Variants in EYS observed in about 807,000 individuals in gnomAD.
EYS encodes EGF-like photoreceptor maintenance factor.
In EYS, 250 loss-of-function variants were observed where a neutral mutation model predicts 282.1. The observed-to-expected ratio is 0.89, with a 90% CI of 0.80 to 0.98. The LOEUF is 0.98. Ranked by LOEUF, EYS falls within the 50% of genes least tolerant of loss-of-function variation. EYS has a pLI of 0.00. For missense variants in EYS, 4,016 were observed against 3,709.0 expected (o/e 1.08, Z -2.15); for synonymous variants, 1,355 against 1,282.9 (o/e 1.06, Z -1.20).
At chr6:64,205,992 G>T (rs1582425877) in intron 31 of EYS, among the ~76,000 whole-genome samples, 1 of 151,916 alleles carries the variant, frequency 6.6e-6, no homozygotes, top group South Asian at 2.1e-4. Context: ...CTTGTTATTT[G>T]TTCAGAAATT....
rs1767684223 is a variant in EYS, at chr6:64,902,074, C to T, written c.2846+39G>A. The T allele has an allele frequency of 2.9e-6, 4 of 1,371,554 alleles. No homozygotes were observed. The South Asian group carries it at 5.2e-5, about 18-fold the overall frequency. 85.0% of individuals were successfully genotyped at this position (1,371,554 alleles called of 1,614,324 possible). A position where few individuals can be genotyped will look rare whatever the true frequency, so the allele number is the denominator to read the frequency against. ...GTGCTCACTTTCTTGTTGAATTACA[C>T]ACATCAAATAATTAATTTAATAAAA... On this transcript the variant is annotated intron_variant, in intron 18 of 42. Transcript: ENST00000503581.
chr6:65,188,557 T>C (rs1219931878), intron 12 of EYS, among the ~76,000 whole-genome samples: 1 of 151,502 alleles, frequency 6.6e-6, no homozygotes, highest in African/African-American at 2.4e-5. Flanking sequence ...TCCTCAGAAC[T>C]TGTGAATGCG....
At chr6:64,257,246 C>T (rs1160164614) in intron 30 of EYS, among the ~76,000 whole-genome samples, 1 of 151,922 alleles carries the variant, frequency 6.6e-6, no homozygotes, top group Non-Finnish European at 1.5e-5. Flanking sequence ...TACAATAAAG[C>T]TTCGTAAATT....
chr6:65,481,929 A>G (rs1258490208), intron 5 of EYS, among the ~76,000 whole-genome samples: 2 of 152,122 alleles, frequency 1.3e-5, no homozygotes, highest in Non-Finnish European at 1.5e-5. Flanking sequence ...TTTGCCAATA[A>G]ATCTATGGAG....
chr6:63,795,107 A>C (rs939427378), intron 37 of EYS, among the ~76,000 whole-genome samples: 2 of 152,216 alleles, frequency 1.3e-5, no homozygotes, highest in Non-Finnish European at 2.9e-5. Context: ...GGCTAGAAAG[A>C]AAAGTCATAA....
intron 14 of EYS, among the ~76,000 whole-genome samples, chr6:64,994,120 C>T (rs775460717): frequency 7.2e-5 from 11 of 151,828 alleles, no homozygotes; most frequent in Admixed American, 5.3e-4. Context: ...CTCAAATATA[C>T]ATAACAAAGT....
intron 2 of EYS, among the ~76,000 whole-genome samples, chr6:65,547,724 G>C (rs1392910569): frequency 6.6e-6 from 1 of 152,010 alleles, no homozygotes; most frequent in Admixed American, 6.6e-5. Context: ...TGTATCTTTT[G>C]GAATTTTGTT....
intron 22 of EYS, among the ~76,000 whole-genome samples, chr6:64,739,212 T>A (rs1772286830): frequency 6.6e-6 from 1 of 152,180 alleles, no homozygotes; most frequent in African/African-American, 2.4e-5. Context: ...CTCAGTAAAT[T>A]TATGATAATC....
At chr6:64,120,357 T>TA (rs34632243) in intron 31 of EYS, among the ~76,000 whole-genome samples, 1,191 of 76,726 alleles carry the variant, frequency 0.016, 38 homozygotes, top group African/African-American at 0.042. Flanking sequence ...CTCCATCTCT[T>TA]AAAAAAAAAA....
At chr6:63,979,863 T>A (rs532892636) in intron 35 of EYS, among the ~76,000 whole-genome samples, 2 of 151,912 alleles carry the variant, frequency 1.3e-5, no homozygotes, top group African/African-American at 4.8e-5. Context: ...GATTGGACAC[T>A]GTCCAGAAAC....
intron 12 of EYS, among the ~76,000 whole-genome samples, chr6:65,109,291 T>TG (rs1038947763): frequency 5.0e-4 from 76 of 152,222 alleles, no homozygotes; most frequent in African/African-American, 1.7e-3. Context: ...CTTGGATTTT[T>TG]GCATGTTAGT....
intron 30 of EYS, among the ~76,000 whole-genome samples, chr6:64,247,219 T>G (rs2150346538): frequency 6.6e-6 from 1 of 152,258 alleles, no homozygotes; most frequent in South Asian, 2.1e-4. Flanking sequence ...ACCTGGAAAG[T>G]GAATCCAAAT....
intron 36 of EYS, among the ~76,000 whole-genome samples, chr6:63,818,662 T>A (rs1771243908): frequency 2.0e-5 from 3 of 152,200 alleles, no homozygotes; most frequent in Admixed American, 6.5e-5. Flanking sequence ...TTCCCTGGAC[T>A]CTCACATTCC....
At chr6:65,577,546 C>T (rs1404093991) in intron 2 of EYS, among the ~76,000 whole-genome samples, 1 of 151,720 alleles carries the variant, frequency 6.6e-6, no homozygotes, top group African/African-American at 2.4e-5. Context: ...ACCCCAAAGA[C>T]ACAGACAACA....
intron 23 of EYS, among the ~76,000 whole-genome samples, chr6:64,624,279 A>G (rs1767533545): frequency 6.6e-6 from 1 of 152,190 alleles, no homozygotes; most frequent in Non-Finnish European, 1.5e-5. Flanking sequence ...AAACTAATCT[A>G]GCACCTGTAA....
intron 12 of EYS, among the ~76,000 whole-genome samples, chr6:65,247,901 TTAAA>T (rs761860031): frequency 1.3e-5 from 2 of 152,044 alleles, no homozygotes; most frequent in Non-Finnish European, 2.9e-5. Context: ...GGCTTTACAA[TTAAA>T]TAGTTTGTGA....
In EYS at chr6:64,492,508, G is replaced by C. The variant is rs868302351; in HGVS notation, c.5645-53156C>G. ...TGTTGTTGTTTTCTATTTAGCCTTT[G>C]TCTTGAATGAGAGTGTCCTAATTTG... is the stretch of plus-strand genomic sequence containing the variant. On this transcript the variant is annotated intron_variant, in intron 26 of 42. Coordinates refer to ENST00000503581, the MANE Select transcript of EYS (RefSeq NM_001142800.2). 2.0e-5 allele frequency among the ~76,000 whole-genome samples: 3 copies of C among 150,804 alleles called. No individual in the cohort carries two copies. In the Admixed American group the frequency reaches 2.0e-4, roughly 10 times the overall value.
intron 23 of EYS, among the ~76,000 whole-genome samples, chr6:64,625,026 T>C (rs535606772): frequency 3.9e-5 from 6 of 152,272 alleles, no homozygotes; most frequent in African/African-American, 1.4e-4. Flanking sequence ...GCTACTATCA[T>C]GACTGGCTCA....
chr6:65,215,746 G>A (rs1766296031), intron 12 of EYS, among the ~76,000 whole-genome samples: 2 of 152,062 alleles, frequency 1.3e-5, no homozygotes, highest in African/African-American at 4.8e-5. Flanking sequence ...TTAAGATTTG[G>A]CACAGTCTCT....
Sources: gnomAD v4.1 joint callset for allele counts (sites outside exome capture counted in the v4.1 genomes callset) on GRCh38, gnomAD v4.1.1 for gene constraint, MANE v1.5 for transcripts, NCBI Gene and HGNC (gene_info 2026-07-23, HGNC 2026-07-21) for gene names.